ZPBP: variants seen among roughly 807,000 people sequenced by gnomAD.
ZPBP encodes the protein zona pellucida-binding protein 1.
In ZPBP, 26 loss-of-function variants were observed where a neutral mutation model predicts 44.8. The observed-to-expected ratio is 0.58, with a 90% CI of 0.43 to 0.81. ZPBP has a LOEUF of 0.81. ZPBP is among the 30% of genes least tolerant of loss of function. ZPBP has a pLI of 0.00. For missense variants in ZPBP, 409 were observed against 434.0 expected (o/e 0.94, Z 0.51); for synonymous variants, 174 against 153.2 (o/e 1.14, Z -1.00).
chr7:49,997,148 A>C (rs914095718), intron 6 of ZPBP, among the ~76,000 whole-genome samples: 1 of 152,220 alleles, frequency 6.6e-6, no homozygotes, highest in Non-Finnish European at 1.5e-5. Flanking sequence ...CTTAAATCAC[A>C]AATTGACTTC....
At chr7:49,874,572 A>G (rs10244007) in intron 2 of ZPBP, among the ~76,000 whole-genome samples, 2 of 146,960 alleles carry the variant, frequency 1.4e-5, no homozygotes, top group African/African-American at 2.6e-5. Context: ...GTGTGTGTGT[A>G]TGTATATATA....
intron 2 of ZPBP, among the ~76,000 whole-genome samples, chr7:49,874,601 G>T (rs1171933939): frequency 1.3e-5 from 2 of 152,134 alleles, no homozygotes; most frequent in Non-Finnish European, 2.9e-5. Flanking sequence ...GAGAAAGAGA[G>T]AAATATAGCT....
At chr7:49,880,825 C>G (rs966466002) in intron 2 of ZPBP, among the ~76,000 whole-genome samples, 1 of 151,962 alleles carries the variant, frequency 6.6e-6, no homozygotes, top group African/African-American at 2.4e-5. Context: ...CTTCATTATG[C>G]CACGGGAAGC....
intron 6 of ZPBP, among the ~76,000 whole-genome samples, chr7:50,000,863 T>G (rs1268573786): frequency 6.6e-6 from 1 of 152,084 alleles, no homozygotes; most frequent in African/African-American, 2.4e-5. Context: ...GTAATGGTAT[T>G]TGGAGATATG....
At position 50,079,206 on chromosome 7, in the gene ZPBP, T is replaced by C. The variant is rs1429407023; in HGVS notation, c.334+2568A>G. Among the ~76,000 whole-genome samples the C allele has an allele frequency of 3.3e-5, 5 of 151,610 alleles. No homozygotes were observed. In the South Asian group the frequency reaches 6.2e-4, roughly 19 times the overall value. On this transcript the variant is annotated intron_variant, in intron 3 of 7. Transcript: ENST00000046087. ...CATAAAATGGTGTGTTCCTACCTCA[T>C]TGAGATTATATCTATGAACTCTGAT...
At chr7:50,050,110 T>C (rs1800613885) in intron 4 of ZPBP, among the ~76,000 whole-genome samples, 1 of 151,964 alleles carries the variant, frequency 6.6e-6, no homozygotes, top group Admixed American at 6.6e-5. Context: ...AAAGACCTAA[T>C]TAAATGGATA....
At chr7:49,954,497 T>C (rs1795486621) in intron 7 of ZPBP, among the ~76,000 whole-genome samples, 1 of 152,158 alleles carries the variant, frequency 6.6e-6, no homozygotes, top group African/African-American at 2.4e-5. Context: ...TCAAGAACTT[T>C]GCAAATTGGC....
chr7:49,933,432 G>A (rs1459982982), downstream of ZPBP, among the ~76,000 whole-genome samples: 1 of 152,162 alleles, frequency 6.6e-6, no homozygotes, highest in Non-Finnish European at 1.5e-5. Flanking sequence ...TAAGAAATAG[G>A]AACAATTTTA....
At chr7:50,079,456 T>C (rs986559245) in intron 3 of ZPBP, among the ~76,000 whole-genome samples, 3 of 151,512 alleles carry the variant, frequency 2.0e-5, no homozygotes, top group African/African-American at 7.3e-5. Context: ...AACTGAAATA[T>C]GTGGAATCTA....
At chr7:49,860,674 C>A (rs182682834) in intron 2 of ZPBP, among the ~76,000 whole-genome samples, 2 of 152,248 alleles carry the variant, frequency 1.3e-5, no homozygotes, top group Non-Finnish European at 2.9e-5. Context: ...GAATTATTTC[C>A]CCCAAAATTT....
intron 3 of ZPBP, among the ~76,000 whole-genome samples, chr7:50,058,845 T>C (rs1801099408): frequency 7.4e-6 from 1 of 135,826 alleles, no homozygotes; most frequent in Admixed American, 7.9e-5. Flanking sequence ...AAATGGAAAG[T>C]AAATCTGCCT....
intron 1 of ZPBP, among the ~76,000 whole-genome samples, chr7:49,925,177 G>A (rs574988326): frequency 9.2e-5 from 14 of 152,152 alleles, no homozygotes; most frequent in Non-Finnish European, 1.9e-4. Context: ...TTTTGTGCAG[G>A]ATTACATGAG....
intron 2 of ZPBP, among the ~76,000 whole-genome samples, chr7:49,882,167 T>C (rs2128727453): frequency 6.6e-6 from 1 of 152,278 alleles, no homozygotes; most frequent in African/African-American, 2.4e-5. Context: ...ATATTTGTTC[T>C]CTTCTTTTAT....
At position 50,037,342 on chromosome 7, in the gene ZPBP, C is replaced by T. The variant is rs138115832; in HGVS notation, c.488-6032G>A. Among the ~76,000 whole-genome samples, 425 of 152,280 alleles carry T rather than the reference C, an allele frequency of 2.8e-3. 3 individuals carry two copies. Among genetic ancestry groups the T allele is most frequent in the African/African-American group, 9.4e-3 (391 of 41,558 alleles). On this transcript the variant is annotated intron_variant, in intron 4 of 7. Transcript: ENST00000046087. ...TTATTCAAAGAAGTCTATCGCATGT[C>T]AGTAAGAACAGTGTAATAGTCCGTT...
intron 2 of ZPBP, among the ~76,000 whole-genome samples, chr7:49,897,045 G>A (rs888550929): frequency 5.9e-4 from 89 of 151,934 alleles, no homozygotes; most frequent in Middle Eastern, 3.4e-3. Flanking sequence ...ACAGGCGCCC[G>A]CCACCTCGCC....
At chr7:49,925,448 A>G (rs796906422) in intron 1 of ZPBP, among the ~76,000 whole-genome samples, 6 of 152,300 alleles carry the variant, frequency 3.9e-5, no homozygotes, top group African/African-American at 1.4e-4. Context: ...CTGGGAAAGC[A>G]GGTGTCCATG....
intron 7 of ZPBP, among the ~76,000 whole-genome samples, chr7:49,952,608 A>G (rs1037685766): frequency 1.3e-5 from 2 of 152,040 alleles, no homozygotes; most frequent in South Asian, 2.1e-4. Context: ...AGGGATCTAT[A>G]TAACTAGAAG....
chr7:49,963,752 AAGAAAGCTCT>A (rs1435092773), intron 7 of ZPBP, among the ~76,000 whole-genome samples: 1 of 151,904 alleles, frequency 6.6e-6, no homozygotes, highest in Non-Finnish European at 1.5e-5. Context: ...CTGTCTCACA[AAGAAAGCTCT>A]AGGCCCATTT....
chr7:50,003,542 G>A (rs763077347), intron 6 of ZPBP, among the ~76,000 whole-genome samples: 1 of 152,138 alleles, frequency 6.6e-6, no homozygotes, highest in Non-Finnish European at 1.5e-5. Context: ...CTGGTCTGGG[G>A]AACTACTTGA....
Sources: allele counts gnomAD v4.1 joint callset (sites outside exome capture counted in the v4.1 genomes callset), GRCh38; gene constraint gnomAD v4.1.1; transcripts MANE v1.5; gene names NCBI Gene and HGNC (gene_info 2026-07-23, HGNC 2026-07-21).